AFG2A: variants seen among roughly 807,000 people sequenced by gnomAD.
AFG2A encodes ATPase family gene 2 protein homolog A.
At chr4:123,175,422 T>C in the AFG2A span, among the ~76,000 whole-genome samples, 1 of 152,148 alleles carries the variant, frequency 6.6e-6, no homozygotes, top group African/African-American at 2.4e-5. Context: ...ATTAGAGAAA[T>C]GCTAATTGAA....
the AFG2A span, among the ~76,000 whole-genome samples, chr4:123,191,903 T>C: frequency 1.1e-4 from 17 of 152,346 alleles, 1 homozygote; most frequent in South Asian, 3.3e-3. Context: ...TTATGTTCCA[T>C]GTGGCCTTTT....
chr4:123,281,735 G>A, the AFG2A span, among the ~76,000 whole-genome samples: 1 of 152,080 alleles, frequency 6.6e-6, no homozygotes, highest in Non-Finnish European at 1.5e-5. Context: ...GGGAAGTCCA[G>A]ACAATGGAAG....
chr4:123,030,936 G>A, the AFG2A span, among the ~76,000 whole-genome samples: 1 of 152,022 alleles, frequency 6.6e-6, no homozygotes, highest in African/African-American at 2.4e-5. Flanking sequence ...TTTAGATTTA[G>A]GGATACTCAA....
At chr4:123,172,556 G>C in the AFG2A span, among the ~76,000 whole-genome samples, 1 of 152,128 alleles carries the variant, frequency 6.6e-6, no homozygotes, top group Non-Finnish European at 1.5e-5. Flanking sequence ...AAGAGCATTA[G>C]CTTAGACCAT....
At chr4:122,971,992 C>T in the AFG2A span, among the ~76,000 whole-genome samples, 2 of 151,852 alleles carry the variant, frequency 1.3e-5, no homozygotes, top group South Asian at 4.2e-4. Flanking sequence ...TTGTAATGTC[C>T]CTTTAAGATT....
At chr4:123,212,277 G>A in the AFG2A span, among the ~76,000 whole-genome samples, 58 of 151,394 alleles carry the variant, frequency 3.8e-4, no homozygotes, top group Middle Eastern at 3.4e-3. Flanking sequence ...TTTTCTCATC[G>A]CCTGCATACA....
At chr4:123,306,416 C>T in the AFG2A span, among the ~76,000 whole-genome samples, 3 of 152,116 alleles carry the variant, frequency 2.0e-5, no homozygotes, top group Admixed American at 6.5e-5. Context: ...GGCATGTCTT[C>T]GTCTAGCTCT....
the AFG2A span, among the ~76,000 whole-genome samples, chr4:123,260,986 A>G: frequency 6.6e-6 from 1 of 152,216 alleles, no homozygotes; most frequent in African/African-American, 2.4e-5. Flanking sequence ...AGACTCTCAT[A>G]GGAGCACGAA....
chr4:123,099,664 GCATACAC>G, the AFG2A span, among the ~76,000 whole-genome samples: 1 of 151,630 alleles, frequency 6.6e-6, no homozygotes, highest in Non-Finnish European at 1.5e-5. Flanking sequence ...CTTATTTCAA[GCATACAC>G]CATCCCCTCT....
the AFG2A span, among the ~76,000 whole-genome samples, chr4:123,312,184 T>G: frequency 6.6e-6 from 1 of 152,096 alleles, no homozygotes; most frequent in Non-Finnish European, 1.5e-5. Flanking sequence ...AATAGTACAG[T>G]AATTAATATT....
the AFG2A span, among the ~76,000 whole-genome samples, chr4:123,152,113 A>T: frequency 1.4e-5 from 2 of 138,818 alleles, no homozygotes; most frequent in Non-Finnish European, 3.1e-5. Flanking sequence ...AACATAACAC[A>T]CTGGGGCCTG....
At chr4:123,048,981 A>G in the AFG2A span, among the ~76,000 whole-genome samples, 11 of 152,098 alleles carry the variant, frequency 7.2e-5, no homozygotes, top group African/African-American at 2.4e-4. Context: ...CCTGTTCCAT[A>G]TGATAGTAGC....
chr4:123,042,436 GCCC>G, the AFG2A span, among the ~76,000 whole-genome samples: 4 of 152,176 alleles, frequency 2.6e-5, no homozygotes, highest in South Asian at 8.3e-4. Context: ...CTTCCCAAGG[GCCC>G]TGTCTTCTAA....
At chr4:123,126,241 A>G in the AFG2A span, among the ~76,000 whole-genome samples, 2 of 152,054 alleles carry the variant, frequency 1.3e-5, no homozygotes, top group Non-Finnish European at 2.9e-5. Flanking sequence ...CTCCTCTTTC[A>G]TCTAAAACCA....
chr4:123,281,445 T>G, the AFG2A span, among the ~76,000 whole-genome samples: 1 of 152,122 alleles, frequency 6.6e-6, no homozygotes, highest in African/African-American at 2.4e-5. Flanking sequence ...TAGCTGATCT[T>G]TAGACCTACA....
chr4:123,283,818 G>C, the AFG2A span, among the ~76,000 whole-genome samples: 1 of 152,126 alleles, frequency 6.6e-6, no homozygotes, highest in Non-Finnish European at 1.5e-5. Flanking sequence ...GGGCAGATTT[G>C]AGTAGTTCCA....
chr4:123,224,036 G>A, the AFG2A span, among the ~76,000 whole-genome samples: 1 of 152,172 alleles, frequency 6.6e-6, no homozygotes, highest in South Asian at 2.1e-4. Context: ...TTCTGTAGGA[G>A]TTTTACAGCT....
At chr4:123,190,358 C>T in the AFG2A span, among the ~76,000 whole-genome samples, 1 of 152,180 alleles carries the variant, frequency 6.6e-6, no homozygotes, top group Non-Finnish European at 1.5e-5. Context: ...TTTGTTTCAT[C>T]AGCTTTCCAT....
chr4:123,057,871 G>A, the AFG2A span, among the ~76,000 whole-genome samples: 2 of 152,022 alleles, frequency 1.3e-5, no homozygotes, highest in Non-Finnish European at 2.9e-5. Flanking sequence ...CTCTACAAAT[G>A]TATAGCGGTC....
Sources: allele counts gnomAD v4.1 joint callset (sites outside exome capture counted in the v4.1 genomes callset), GRCh38; gene constraint gnomAD v4.1.1; transcripts MANE v1.5; gene names NCBI Gene and HGNC (gene_info 2026-07-23, HGNC 2026-07-21).